The following MPZL3 variants were observed in gnomAD, a reference collection of about 807,000 sequenced individuals.
MPZL3 encodes myelin protein zero like 3.
In MPZL3, 23 loss-of-function variants were observed where a neutral mutation model predicts 24.8. The ratio of observed to expected loss-of-function variants is 0.93; its 90% confidence interval spans 0.67 to 1.31. The LOEUF (loss-of-function observed/expected upper bound fraction) is 1.31, where lower values mean the gene tolerates loss of function less well. Among genes scored for constraint, MPZL3 ranks in the 40% most tolerant of loss-of-function variants. The pLI is 0.00. For synonymous variants in MPZL3, 99 were observed against 106.5 expected, an observed-to-expected ratio of 0.93 and a Z score of 0.44; for missense variants, 277 against 294.9, an observed-to-expected ratio of 0.94 and a Z score of 0.44.
At chr11:118,238,078 A>C (rs1467458936) in intron 2 of MPZL3, among the ~76,000 whole-genome samples, 1 of 152,104 alleles carries the variant, frequency 6.6e-6, no homozygotes, top group African/African-American at 2.4e-5. Context: ...CGGAGATTGC[A>C]GTGAGCCGAG....
Position 118,240,783 on chromosome 11 carries a change from A to ACTCT in MPZL3, c.74-410_74-407dup, listed in dbSNP as rs1555111906. 2.0e-3 allele frequency among the ~76,000 whole-genome samples: 276 copies of ACTCT among 140,534 alleles called. 3 individuals are homozygous for ACTCT. Among genetic ancestry groups the ACTCT allele is most frequent in the Admixed American group, 4.5e-3 (63 of 13,922 alleles). 92.2% of individuals were successfully genotyped at this position (140,534 alleles called of 152,430 possible). On this transcript the variant is annotated intron_variant, in intron 1 of 5. Transcript: ENST00000278949. ...CACACACACACACACACACACACAC[A>ACTCT]CTCTGGGAATATGGCAGCTTTTGTG...
chr11:118,229,981 C>A (rs370793073), intron 5 of MPZL3, 61 bp from the exon 6 acceptor site: 66 of 1,520,784 alleles, frequency 4.3e-5, no homozygotes, highest in Non-Finnish European at 5.6e-5. Flanking sequence ...TAGGCAAAGA[C>A]CACATGTTAG....
At chr11:118,251,636 T>C (rs1014389028) in intron 1 of MPZL3, among the ~76,000 whole-genome samples, 1 of 152,208 alleles carries the variant, frequency 6.6e-6, no homozygotes, top group Non-Finnish European at 1.5e-5. Flanking sequence ...ACAGAATTTA[T>C]ATGCTCTTTC....
rs559271563 is a variant in MPZL3 at position 118,228,441 on chromosome 11, A to G, written c.*1453T>C. The G allele has an allele frequency of 1.3e-5, 2 of 152,340 alleles. No individual in the cohort carries two copies. Among genetic ancestry groups the G allele is most frequent in the East Asian group, 3.9e-4 (2 of 5,194 alleles). 9.4% of individuals were successfully genotyped at this position (152,340 alleles called of 1,614,324 possible). ...CAATCACTATTACAGAAGACTATTTATATATGCACCATCCATCTTTACTGA... is the reference window on the plus strand; with the variant it reads ...CAATCACTATTACAGAAGACTATTTGTATATGCACCATCCATCTTTACTGA... On this transcript the variant is annotated 3_prime_UTR_variant, in exon 6 of 6. Coordinates refer to ENST00000278949, the MANE Select transcript of MPZL3 (RefSeq NM_198275.3).
chr11:118,235,095 C>T (rs1949405393), intron 4 of MPZL3, among the ~76,000 whole-genome samples: 1 of 152,056 alleles, frequency 6.6e-6, no homozygotes, highest in Non-Finnish European at 1.5e-5. Flanking sequence ...GTGCCAAATA[C>T]AAGGTGAAGG....
chr11:118,248,520 A>T (rs1949581496), intron 1 of MPZL3, among the ~76,000 whole-genome samples: 2 of 152,122 alleles, frequency 1.3e-5, no homozygotes, highest in African/African-American at 4.8e-5. Context: ...GATTTTGCCA[A>T]AAAGTTATAA....
At chr11:118,246,585 C>CTTTTTTTTTTT (rs71301655) in intron 1 of MPZL3, among the ~76,000 whole-genome samples, 1 of 123,280 alleles carries the variant, frequency 8.1e-6, no homozygotes, top group African/African-American at 3.3e-5. Flanking sequence ...TTTTTCTTTT[C>CTTTTTTTTTTT]TTTTTTTTTT....
chr11:118,242,305 C>T (rs138589378), intron 1 of MPZL3, among the ~76,000 whole-genome samples: 230 of 152,204 alleles, frequency 1.5e-3, no homozygotes, highest in African/African-American at 4.9e-3. Context: ...AGAGCCACTA[C>T]AATCAAAAAA....
rs1274738698 is a variant in MPZL3 at position 118,227,843 on chromosome 11, T to C, written c.*2051A>G. On this transcript the variant is annotated 3_prime_UTR_variant, in exon 6 of 6. Coordinates refer to ENST00000278949, the MANE Select transcript of MPZL3 (RefSeq NM_198275.3). ...CTTTCAGTGGGTTCCTGTAACACCA[T>C]CTCTTTCTTGGAGAAATGAGGACCT... 6.6e-6 allele frequency: 1 copy of C among 152,180 alleles called. No individual in the cohort carries two copies. The highest frequency in any genetic ancestry group is 1.5e-5 in the Non-Finnish European group (1 of 68,034). The allele number at this position is 152,180 out of a possible 1,614,324, so 9.4% of individuals were successfully genotyped here.
chr11:118,250,435 G>A lies in MPZL3; in HGVS notation c.73+1787C>T, dbSNP rs80089317. ...GTTAATGGGTATCAAGTTTCTCTTT[G>A]GGGTGATGAAAATGTTCTAAAATTG... On this transcript the variant is annotated intron_variant, in intron 1 of 5. Transcript: ENST00000278949. 1.1e-4 allele frequency among the ~76,000 whole-genome samples: 16 copies of A among 152,086 alleles called. No homozygotes were observed. The East Asian group carries it at 3.1e-3, about 29-fold the overall frequency.
chr11:118,237,837 T>C (rs1214497887), intron 2 of MPZL3, among the ~76,000 whole-genome samples: 1 of 152,108 alleles, frequency 6.6e-6, no homozygotes, highest in Non-Finnish European at 1.5e-5. Context: ...TTATTCCAAA[T>C]GTATAAAAAG....
In MPZL3 at chr11:118,229,636, TTTC is replaced by T. The variant is rs2134690849; in HGVS notation, c.*255_*257del. 1 of 373,306 alleles carries T rather than the reference TTTC, an allele frequency of 2.7e-6. No homozygotes were observed. The highest frequency in any genetic ancestry group is 4.8e-6 in the Non-Finnish European group (1 of 207,978). The allele number at this position is 373,306 out of a possible 1,614,324, so 23.1% of individuals were successfully genotyped here. A position where few individuals can be genotyped will look rare whatever the true frequency, so the allele number is the denominator to read the frequency against. On this transcript the variant is annotated 3_prime_UTR_variant, in exon 6 of 6. Transcript: ENST00000278949. ...AGTATCTTTTTGCTCAGGAAAAGAA[TTTC>T]TTCATTCAATTACAGCATAATTCAT...
rs1949438296 is a variant in MPZL3, at chr11:118,237,243, A to AGACT, written c.254_257dup (p.Phe87ValfsTer54). 2 of 1,613,958 alleles carry AGACT rather than the reference A, an allele frequency of 1.2e-6. No individual in the cohort carries two copies. The highest frequency in any genetic ancestry group is 2.7e-5 in the African/African-American group (2 of 74,924). On this transcript the variant is annotated frameshift_variant, in exon 3 of 6. Coordinates refer to ENST00000278949, the MANE Select transcript of MPZL3 (RefSeq NM_198275.3). ...TGCCTGCTGTGGTTGGGTACTGGAA[A>AGACT]GACTGATAATGAAATATCTAAGAAA...
Position 118,240,268 on chromosome 11 carries a change from A to G in MPZL3, c.183T>C (p.Thr61=). The change falls in exon 2 of 6, where the codon ACT becomes ACC. Residue 61 remains threonine (T), a synonymous_variant. Coordinates refer to ENST00000278949, the MANE Select transcript of MPZL3 (RefSeq NM_198275.3). ...ATGTCCAGTCTATAGTAAGTTTGTC[A>G]GTGACATCTGAAGTTGACTTGAAAG... The part of the protein sequence containing the change: ...KCTFKSTSDV[T]DKLTIDWTYR... The G allele has an allele frequency of 1.2e-6, 2 of 1,605,022 alleles. No homozygotes were observed.
intron 2 of MPZL3, among the ~76,000 whole-genome samples, chr11:118,239,953 C>G (rs1949472301): frequency 6.6e-6 from 1 of 152,138 alleles, no homozygotes; most frequent in African/African-American, 2.4e-5. Context: ...AAAGAAACAA[C>G]AAAGAGGAAA....
In MPZL3 at chr11:118,229,849, G is replaced by A; in HGVS notation, c.*45C>T. On this transcript the variant is annotated 3_prime_UTR_variant, in exon 6 of 6. Transcript: ENST00000278949. Reference sequence around the variant, plus strand: ...GCTTTAGCTGCCAGTGGAATGGGATGTTTCCTGTCTTTAGGTGACTCTTCT... The same window carrying A: ...GCTTTAGCTGCCAGTGGAATGGGATATTTCCTGTCTTTAGGTGACTCTTCT... 1 of 1,605,252 alleles carries A rather than the reference G, an allele frequency of 6.2e-7. No homozygotes were observed. Among genetic ancestry groups the A allele is most frequent in the Admixed American group, 1.7e-5 (1 of 59,818 alleles).
chr11:118,235,443 A>C lies in MPZL3; in HGVS notation c.598T>G (p.Ser200Ala). The change falls in exon 4 of 6, where the codon TCT becomes GCT. Residue 200 changes from serine (S) to alanine (A), a missense_variant. Physicochemically the swap from Ser to Ala is moderately conservative, Grantham distance 99 (BLOSUM62 1). Coordinates refer to ENST00000278949, the MANE Select transcript of MPZL3 (RefSeq NM_198275.3). ...ACTTACTCATCGGAAACCTCAATAG[A>C]TGACTTCTTATAGCCAGACCTGCTC... The part of the protein sequence containing the change: ...KRSRSGYKKS[S>A]IEVSDDTDQE... The C allele has an allele frequency of 6.2e-7, 1 of 1,613,760 alleles. No homozygotes were observed. Among genetic ancestry groups the C allele is most frequent in the South Asian group, 1.1e-5 (1 of 91,056 alleles).
rs979264808 is a variant in MPZL3 at position 118,233,629 on chromosome 11, G to A, written c.618-106C>T. On this transcript the variant is annotated intron_variant, in intron 4 of 5. Coordinates refer to ENST00000278949, the MANE Select transcript of MPZL3 (RefSeq NM_198275.3). The stretch of plus-strand genomic sequence containing the variant: ...CAGACAGGTCTGGTTTTAGATTCCA[G>A]TTCTTCCACTCACTAGCTGGGTGAC... 6 of 1,132,488 alleles carry A rather than the reference G, an allele frequency of 5.3e-6. No individual in the cohort carries two copies. In the Admixed American group the frequency reaches 1.2e-4, roughly 22 times the overall value. The allele number at this position is 1,132,488 out of a possible 1,614,324, so 70.2% of individuals were successfully genotyped here.
chr11:118,239,117 A>G (rs1949462448), intron 2 of MPZL3, among the ~76,000 whole-genome samples: 2 of 152,224 alleles, frequency 1.3e-5, no homozygotes, highest in South Asian at 4.1e-4. Flanking sequence ...GAGCAGCACT[A>G]GGAGAGAGCT....
Sources: gnomAD v4.1 joint callset for allele counts (sites outside exome capture counted in the v4.1 genomes callset) on GRCh38, gnomAD v4.1.1 for gene constraint, MANE v1.5 for transcripts, NCBI Gene and HGNC (gene_info 2026-07-23, HGNC 2026-07-21) for gene names.